Variants in GPHN observed in about 807,000 individuals in gnomAD.
GPHN encodes gephyrin.
In GPHN, 17 loss-of-function variants were observed where a neutral mutation model predicts 95.5. The observed-to-expected ratio is 0.18, with a 90% CI of 0.12 to 0.27. The LOEUF is 0.27. GPHN is among the 10% of genes least tolerant of loss of function. The probability of loss-of-function intolerance (pLI) is 1.00; values close to 1 mark genes in which losing one functional copy is unlikely to be tolerated. For missense variants in GPHN, 660 were observed against 978.1 expected (o/e 0.67, Z 4.34); for synonymous variants, 320 against 322.5 (o/e 0.99, Z 0.08).
At chr14:67,709,010 C>G in the GPHN span, among the ~76,000 whole-genome samples, 4 of 152,152 alleles carry the variant, frequency 2.6e-5, no homozygotes, top group Non-Finnish European at 5.9e-5. Context: ...CCAGGATGGT[C>G]TCGATCTTTT....
intron 2 of GPHN, among the ~76,000 whole-genome samples, chr14:66,688,829 C>T (rs905709955): frequency 2.0e-5 from 3 of 151,658 alleles, no homozygotes; most frequent in South Asian, 2.1e-4. Context: ...AAACCAAACA[C>T]CGCATGTTCT....
At chr14:67,195,282 C>T in the GPHN span, among the ~76,000 whole-genome samples, 1 of 152,136 alleles carries the variant, frequency 6.6e-6, no homozygotes, top group Non-Finnish European at 1.5e-5. Flanking sequence ...TGCAAATATC[C>T]TTGAATTCCT....
intron 1 of GPHN, among the ~76,000 whole-genome samples, chr14:66,661,537 T>A (rs560956189): frequency 6.6e-6 from 1 of 151,644 alleles, no homozygotes; most frequent in Non-Finnish European, 1.5e-5. Context: ...ATCTCTGCTG[T>A]TTGGACAGCT....
At chr14:66,524,764 C>G (rs1294035027) in intron 1 of GPHN, among the ~76,000 whole-genome samples, 1 of 151,866 alleles carries the variant, frequency 6.6e-6, no homozygotes, top group East Asian at 1.9e-4. Context: ...TTTCTGTTCT[C>G]GTGTTAGTTT....
chr14:66,892,660 G>A (rs2064578750), intron 5 of GPHN, among the ~76,000 whole-genome samples: 1 of 152,142 alleles, frequency 6.6e-6, no homozygotes, highest in South Asian at 2.1e-4. Context: ...AAATAAGCCA[G>A]ATTATATAAG....
the GPHN span, chr14:67,382,749 CA>C: frequency 4.1e-6 from 3 of 732,128 alleles, no homozygotes; most frequent in Non-Finnish European, 6.8e-6. Context: ...CGTCCCCAGC[CA>C]GGGGGAAGGG....
At chr14:67,653,083 G>A in the GPHN span, among the ~76,000 whole-genome samples, 34 of 152,186 alleles carry the variant, frequency 2.2e-4, no homozygotes, top group South Asian at 6.2e-4. Flanking sequence ...GCCACCGCAC[G>A]GGGCTGAGAT....
chr14:66,849,902 G>A (rs1164367925), intron 4 of GPHN, among the ~76,000 whole-genome samples: 2 of 151,992 alleles, frequency 1.3e-5, no homozygotes, highest in Non-Finnish European at 2.9e-5. Context: ...TAACATACCA[G>A]TACTCAATTA....
At chr14:66,718,574 G>A (rs1278382887) in intron 2 of GPHN, among the ~76,000 whole-genome samples, 1 of 152,080 alleles carries the variant, frequency 6.6e-6, no homozygotes, top group African/African-American at 2.4e-5. Flanking sequence ...CCCTTAGTTG[G>A]CCCTGCCCAT....
At chr14:67,094,308 GA>G (rs1343230555) in intron 12 of GPHN, among the ~76,000 whole-genome samples, 1 of 152,042 alleles carries the variant, frequency 6.6e-6, no homozygotes, top group Non-Finnish European at 1.5e-5. Flanking sequence ...CTGGATATTA[GA>G]AAAAGGAGGA....
chr14:66,609,882 G>A lies in GPHN; in HGVS notation c.65-71225G>A, dbSNP rs548444480. Among the ~76,000 whole-genome samples the A allele has an allele frequency of 4.6e-5, 7 of 152,142 alleles. 1 individual carries two copies. The highest frequency in any genetic ancestry group is 1.4e-4 in the African/African-American group (6 of 41,492). On this transcript the variant is annotated intron_variant, in intron 1 of 22. Coordinates refer to ENST00000478722, the MANE Select transcript of GPHN (RefSeq NM_020806.5). ...TCCTTGAATTGGTTTCACCTTTCTC[G>A]TAAAGCCATTGAACTTCCTTGTTAT...
the GPHN span, among the ~76,000 whole-genome samples, chr14:67,431,467 T>G: frequency 7.1e-6 from 1 of 140,960 alleles, no homozygotes; most frequent in East Asian, 2.3e-4. Flanking sequence ...AGTAGGAGAA[T>G]CGCTTGAGCC....
intron 4 of GPHN, among the ~76,000 whole-genome samples, chr14:66,838,990 C>G (rs747423548): frequency 1.3e-5 from 2 of 152,142 alleles, no homozygotes; most frequent in Admixed American, 6.5e-5. Context: ...TTGAATAATT[C>G]TAATAATTTT....
At chr14:67,674,048 AAAAC>A in the GPHN span, among the ~76,000 whole-genome samples, 5 of 152,240 alleles carry the variant, frequency 3.3e-5, no homozygotes, top group African/African-American at 4.8e-5. Context: ...TTAAATGCAT[AAAAC>A]AAACAAAAAC....
At chr14:67,640,616 A>G in the GPHN span, among the ~76,000 whole-genome samples, 1 of 152,220 alleles carries the variant, frequency 6.6e-6, no homozygotes, top group Non-Finnish European at 1.5e-5. Flanking sequence ...CTCTGCAAAT[A>G]TTAAGATACG....
At chr14:66,872,849 C>T (rs1054692054) in intron 4 of GPHN, among the ~76,000 whole-genome samples, 10 of 149,744 alleles carry the variant, frequency 6.7e-5, no homozygotes, top group East Asian at 3.9e-4. Flanking sequence ...AAGCCGAGAT[C>T]GTGCCACTGC....
At position 66,840,778 on chromosome 14, in the gene GPHN, C is replaced by T. The variant is rs531495723; in HGVS notation, c.294+16212C>T. 2.9e-3 allele frequency among the ~76,000 whole-genome samples: 430 copies of T among 150,190 alleles called. 3 individuals carry two copies. Among genetic ancestry groups the T allele is most frequent in the African/African-American group, 0.01 (411 of 40,640 alleles). ...AACAGGAAATGGGCAGGATTTGGCC[C>T]TTGGGCTGTAGTTTGCCAACCCCTG... On this transcript the variant is annotated intron_variant, in intron 4 of 22. Transcript: ENST00000478722.
the GPHN span, among the ~76,000 whole-genome samples, chr14:67,423,760 C>A: frequency 6.6e-6 from 1 of 152,210 alleles, no homozygotes; most frequent in East Asian, 1.9e-4. Flanking sequence ...TGTTTCCTCC[C>A]AGCAAGGTGA....
intron 4 of GPHN, among the ~76,000 whole-genome samples, chr14:66,849,531 G>T (rs1249782786): frequency 1.3e-5 from 2 of 151,660 alleles, no homozygotes; most frequent in African/African-American, 4.8e-5. Context: ...ATTAATCATT[G>T]TTAATCTTAC....
Sources: gnomAD v4.1 joint callset for allele counts (sites outside exome capture counted in the v4.1 genomes callset) on GRCh38, gnomAD v4.1.1 for gene constraint, MANE v1.5 for transcripts, NCBI Gene and HGNC (gene_info 2026-07-23, HGNC 2026-07-21) for gene names.